Variants in GRIK1 observed in about 807,000 individuals in gnomAD.
GRIK1 encodes the protein glutamate receptor ionotropic, kainate 1.
Under a neutral mutation model 105.7 loss-of-function variants are expected in GRIK1, and 69 were observed. The observed-to-expected ratio is 0.65, with a 90% CI of 0.54 to 0.80. The LOEUF (loss-of-function observed/expected upper bound fraction) is 0.80. GRIK1 is among the 30% of genes least tolerant of loss of function. The probability of loss-of-function intolerance (pLI) is 0.00; values close to 1 mark genes in which losing one functional copy is unlikely to be tolerated. For synonymous variants in GRIK1, 438 were observed against 431.3 expected (o/e 1.02, Z -0.19); for missense variants, 1,109 against 1,167.3 (o/e 0.95, Z 0.73).
At chr21:29,574,985 C>T (rs1340237463) in intron 14 of GRIK1, among the ~76,000 whole-genome samples, 3 of 152,002 alleles carry the variant, frequency 2.0e-5, no homozygotes, top group Admixed American at 6.6e-5. Flanking sequence ...TGAGCCACCG[C>T]GCCCGGCCTA....
At chr21:29,894,323 A>T (rs1328930922) in intron 1 of GRIK1, among the ~76,000 whole-genome samples, 3 of 152,266 alleles carry the variant, frequency 2.0e-5, no homozygotes, top group African/African-American at 7.2e-5. Context: ...ACAGCCTTCA[A>T]TCTGTAGTCA....
chr21:29,592,463 G>C (rs1206908621), intron 9 of GRIK1, among the ~76,000 whole-genome samples: 2 of 152,200 alleles, frequency 1.3e-5, no homozygotes, highest in Admixed American at 1.3e-4. Context: ...TTCAGCCTCT[G>C]TGGGAACCCA....
chr21:29,656,354 C>CAAAA lies in GRIK1; in HGVS notation c.727-1495_727-1492dup, dbSNP rs3054331. Among the ~76,000 whole-genome samples the CAAAA allele has an allele frequency of 6.8e-3, 345 of 51,090 alleles. 60 individuals are homozygous for CAAAA. Among genetic ancestry groups the CAAAA allele is most frequent in the East Asian group, 0.021 (26 of 1,240 alleles). The allele number at this position is 51,090 out of a possible 152,430, so 33.5% of individuals were successfully genotyped here. ...CCAGCCTGGGGGCCAGAGCGAGACT[C>CAAAA]AAAAAAAAAAAAAAAAAAAAAAAAA... On this transcript the variant is annotated intron_variant, in intron 4 of 17. Coordinates refer to ENST00000327783, the MANE Select transcript of GRIK1 (RefSeq NM_001330994.2).
intron 14 of GRIK1, among the ~76,000 whole-genome samples, chr21:29,575,274 C>A (rs1278857162): frequency 6.6e-6 from 1 of 151,654 alleles, no homozygotes; most frequent in East Asian, 1.9e-4. Context: ...TTTCACAAGT[C>A]AAACAGTCCA....
chr21:29,809,691 T>A (rs1405581695), intron 1 of GRIK1, among the ~76,000 whole-genome samples: 1 of 152,236 alleles, frequency 6.6e-6, no homozygotes, highest in African/African-American at 2.4e-5. Flanking sequence ...GACTAATTGG[T>A]GCAAGAGGCC....
intron 1 of GRIK1, among the ~76,000 whole-genome samples, chr21:29,878,703 G>A (rs2069282980): frequency 6.6e-6 from 1 of 152,088 alleles, no homozygotes; most frequent in African/African-American, 2.4e-5. Context: ...ACCCTAGAGA[G>A]CTCCCTCAAT....
Position 29,878,630 on chromosome 21 carries a change from G to T in GRIK1, c.118+60753C>A, listed in dbSNP as rs569456452. 3.0e-4 allele frequency among the ~76,000 whole-genome samples: 45 copies of T among 152,212 alleles called. 1 individual carries two copies. The South Asian group carries it at 9.1e-3, about 31-fold the overall frequency. Reference sequence around the variant, plus strand: ...AATATTATTAGGAGGTGGGGTCTCTGGGAAGTAATGAGGTCATGAAGGTGA... The same window carrying T: ...AATATTATTAGGAGGTGGGGTCTCTTGGAAGTAATGAGGTCATGAAGGTGA... On this transcript the variant is annotated intron_variant, in intron 1 of 17. Transcript: ENST00000327783.
rs181504708 is a variant in GRIK1, at chr21:29,589,550, C to T, written c.1366-508G>A. 8.1e-3 allele frequency among the ~76,000 whole-genome samples: 1,224 copies of T among 151,896 alleles called. 14 individuals carry two copies. The highest frequency in any genetic ancestry group is 0.029 in the African/African-American group (1,180 of 41,392). On this transcript the variant is annotated intron_variant, in intron 10 of 17. Coordinates refer to ENST00000327783, the MANE Select transcript of GRIK1 (RefSeq NM_001330994.2). Reference sequence around the variant, plus strand: ...CTTTCTCCTTTCTCAGCTTCTTGAGCAGCTGGGACTACAGGCGCCTGCCAC... The same window carrying T: ...CTTTCTCCTTTCTCAGCTTCTTGAGTAGCTGGGACTACAGGCGCCTGCCAC...
intron 1 of GRIK1, among the ~76,000 whole-genome samples, chr21:29,838,296 G>A (rs372930902): frequency 6.6e-6 from 1 of 152,118 alleles, no homozygotes; most frequent in Admixed American, 6.6e-5. Flanking sequence ...CAAGAAGATA[G>A]TTTTGTATTT....
In GRIK1 at chr21:29,684,254, C is replaced by G. The variant is rs1325460210; in HGVS notation, c.544+5474G>C. Among the ~76,000 whole-genome samples, 7 of 43,086 alleles carry G rather than the reference C, an allele frequency of 1.6e-4. No homozygotes were observed. The East Asian group carries it at 2.5e-3, about 15-fold the overall frequency. 28.3% of individuals were successfully genotyped at this position (43,086 alleles called of 152,430 possible). On this transcript the variant is annotated intron_variant, in intron 3 of 17. Coordinates refer to ENST00000327783, the MANE Select transcript of GRIK1 (RefSeq NM_001330994.2). ...TATGAAACAAGGGAATCTATCATCT[C>G]TATCTATCTATCTATCTATCTATCT...
At chr21:29,704,326 G>T (rs2063864925) in intron 1 of GRIK1, among the ~76,000 whole-genome samples, 1 of 152,126 alleles carries the variant, frequency 6.6e-6, no homozygotes, top group African/African-American at 2.4e-5. Context: ...AAAGCAAAAA[G>T]CCTGCTTTTT....
At chr21:29,598,569 G>A (rs1306205497) in intron 8 of GRIK1, among the ~76,000 whole-genome samples, 1 of 152,120 alleles carries the variant, frequency 6.6e-6, no homozygotes, top group African/African-American at 2.4e-5. Context: ...GGTTATATAT[G>A]TAATAATATA....
chr21:29,596,705 T>A (rs1001149019), intron 8 of GRIK1, 135 bp from the exon 9 acceptor site: 1 of 732,096 alleles, frequency 1.4e-6, no homozygotes, highest in Admixed American at 1.9e-5. Context: ...TGCATCTTAA[T>A]TCAATATAAA....
At chr21:29,642,258 A>C (rs368126655) in intron 7 of GRIK1, among the ~76,000 whole-genome samples, 3 of 152,232 alleles carry the variant, frequency 2.0e-5, no homozygotes, top group East Asian at 3.8e-4. Context: ...CCAGGACATC[A>C]GTGAAGATAT....
At chr21:29,797,360 C>T (rs2066587660) in intron 1 of GRIK1, among the ~76,000 whole-genome samples, 2 of 152,192 alleles carry the variant, frequency 1.3e-5, no homozygotes, top group African/African-American at 4.8e-5. Flanking sequence ...GAGGAGTTGT[C>T]ATGTGTACAA....
intron 1 of GRIK1, among the ~76,000 whole-genome samples, chr21:29,708,718 G>A (rs1242759207): frequency 6.6e-6 from 1 of 152,188 alleles, no homozygotes; most frequent in African/African-American, 2.4e-5. Context: ...GGACGTTGGA[G>A]CAGAGCCTGC....
At chr21:29,600,396 A>T (rs2061496940) in intron 7 of GRIK1, among the ~76,000 whole-genome samples, 1 of 152,176 alleles carries the variant, frequency 6.6e-6, no homozygotes, top group Non-Finnish European at 1.5e-5. Context: ...TTATTAAATA[A>T]AAAGCGGTGG....
intron 6 of GRIK1, among the ~76,000 whole-genome samples, chr21:29,646,696 T>G (rs958370707): frequency 6.6e-6 from 1 of 152,138 alleles, no homozygotes; most frequent in Non-Finnish European, 1.5e-5. Flanking sequence ...AAGAGAGACC[T>G]AATATTCAGA....
At chr21:29,598,598 A>G (rs2061459215) in intron 8 of GRIK1, among the ~76,000 whole-genome samples, 2 of 152,248 alleles carry the variant, frequency 1.3e-5, no homozygotes, top group Non-Finnish European at 2.9e-5. Flanking sequence ...TGCTATGTAA[A>G]TGAAGCACAA....
Sources: gnomAD v4.1 joint callset for allele counts (sites outside exome capture counted in the v4.1 genomes callset) on GRCh38, gnomAD v4.1.1 for gene constraint, MANE v1.5 for transcripts, NCBI Gene and HGNC (gene_info 2026-07-23, HGNC 2026-07-21) for gene names.